The following TLL1 variants were observed in gnomAD, a reference collection of about 807,000 sequenced individuals.
TLL1 encodes tolloid like 1.
TLL1 carries 49 observed loss-of-function variants against 128.2 expected under a neutral mutation model. The ratio of observed to expected loss-of-function variants is 0.38; its 90% CI spans 0.30 to 0.48. The LOEUF (loss-of-function observed/expected upper bound fraction) is 0.48, where lower values mean the gene tolerates loss of function less well. Among genes scored for constraint, TLL1 ranks in the 20% least tolerant of loss-of-function variants. The pLI is 0.96. For synonymous variants in TLL1, 454 were observed against 418.8 expected, an observed-to-expected ratio of 1.08 and a Z score of -1.03; for missense variants, 1,123 against 1,242.0, an observed-to-expected ratio of 0.90 and a Z score of 1.44.
At chr4:165,877,316 C>A (rs1303652912) in intron 1 of TLL1, among the ~76,000 whole-genome samples, 1 of 152,154 alleles carries the variant, frequency 6.6e-6, no homozygotes, top group Non-Finnish European at 1.5e-5. Flanking sequence ...ATAGCCAAAT[C>A]CATTAGGACA....
At chr4:165,994,133 G>T (rs1736758985) in intron 3 of TLL1, among the ~76,000 whole-genome samples, 1 of 152,076 alleles carries the variant, frequency 6.6e-6, no homozygotes, top group Non-Finnish European at 1.5e-5. Context: ...TTAGGCTGTT[G>T]TATGGATATC....
chr4:166,005,886 C>T (rs142232058), intron 6 of TLL1, among the ~76,000 whole-genome samples: 2 of 151,850 alleles, frequency 1.3e-5, no homozygotes, highest in African/African-American at 4.8e-5. Flanking sequence ...AATAAATGCG[C>T]AATCCTAAAA....
intron 1 of TLL1, among the ~76,000 whole-genome samples, chr4:165,909,151 C>A (rs1430895299): frequency 1.3e-5 from 2 of 151,948 alleles, no homozygotes; most frequent in Non-Finnish European, 2.9e-5. Flanking sequence ...CGTGCCACTG[C>A]ACTCCAGTCT....
At chr4:165,953,601 C>T (rs927139521) in intron 1 of TLL1, among the ~76,000 whole-genome samples, 1 of 143,330 alleles carries the variant, frequency 7.0e-6, no homozygotes, top group Non-Finnish European at 1.5e-5. Context: ...GAAACACCTT[C>T]GAGATAGGTC....
intron 1 of TLL1, among the ~76,000 whole-genome samples, chr4:165,903,688 G>A (rs1252756295): frequency 5.3e-5 from 8 of 151,034 alleles, no homozygotes; most frequent in African/African-American, 1.9e-4. Context: ...TGGGATTACC[G>A]TCGTAAGCCA....
chr4:165,994,604 T>C, intron 4 of TLL1, 71 bp downstream of exon 4: 1 of 1,547,514 alleles, frequency 6.5e-7, no homozygotes. Context: ...TGTCTATTTT[T>C]ATAGAATATT....
At chr4:165,926,492 G>C (rs375222412) in intron 1 of TLL1, among the ~76,000 whole-genome samples, 2 of 152,188 alleles carry the variant, frequency 1.3e-5, no homozygotes, top group Non-Finnish European at 2.9e-5. Flanking sequence ...ATTCCACAGA[G>C]GAAGGTGATG....
chr4:166,104,290 A>T lies in TLL1; in HGVS notation c.*3414A>T, dbSNP rs76896679. 0.038 allele frequency among the ~76,000 whole-genome samples: 5,767 copies of T among 152,040 alleles called. 166 individuals are homozygous for T. The highest frequency in any genetic ancestry group is 0.079 in the South Asian group (380 of 4,830). On this transcript the variant is annotated 3_prime_UTR_variant, in exon 21 of 21. Coordinates refer to ENST00000061240, the MANE Select transcript of TLL1 (RefSeq NM_012464.5). ...TATATCTTTATGTAGATTTAGAAGGACTGCAACCCTATGTGACATTATAAC... is the reference window on the plus strand; with the variant it reads ...TATATCTTTATGTAGATTTAGAAGGTCTGCAACCCTATGTGACATTATAAC...
chr4:165,911,697 A>G (rs920443535), intron 1 of TLL1, among the ~76,000 whole-genome samples: 2 of 151,988 alleles, frequency 1.3e-5, no homozygotes, highest in Non-Finnish European at 2.9e-5. Context: ...AAACTGCTCA[A>G]TGTTCTTCCT....
At chr4:166,057,651 A>G (rs1192546287) in intron 14 of TLL1, among the ~76,000 whole-genome samples, 1 of 152,198 alleles carries the variant, frequency 6.6e-6, no homozygotes, top group Non-Finnish European at 1.5e-5. Context: ...AAGAGATTTA[A>G]TGGACTCACA....
intron 1 of TLL1, among the ~76,000 whole-genome samples, chr4:165,948,288 A>G (rs1428623755): frequency 1.3e-5 from 2 of 152,138 alleles, no homozygotes; most frequent in Admixed American, 6.6e-5. Flanking sequence ...CCACAGATGG[A>G]CAGAAATTGT....
intron 1 of TLL1, among the ~76,000 whole-genome samples, chr4:165,905,335 A>G (rs1732202570): frequency 6.6e-6 from 1 of 152,230 alleles, no homozygotes; most frequent in Non-Finnish European, 1.5e-5. Flanking sequence ...AACAAAATGT[A>G]CATGTTAGAA....
At chr4:165,960,823 G>C (rs372439541) in intron 1 of TLL1, among the ~76,000 whole-genome samples, 22 of 152,080 alleles carry the variant, frequency 1.4e-4, no homozygotes, top group Admixed American at 5.2e-4. Flanking sequence ...AATAATAAGA[G>C]TCAACTCTGA....
intron 5 of TLL1, among the ~76,000 whole-genome samples, chr4:165,996,806 A>G (rs1279645726): frequency 1.3e-5 from 2 of 150,496 alleles, no homozygotes; most frequent in Non-Finnish European, 3.0e-5. Context: ...CCCCTTGAGT[A>G]TTAATATATA....
chr4:166,078,809 C>T (rs543198680), intron 18 of TLL1, among the ~76,000 whole-genome samples: 2 of 152,196 alleles, frequency 1.3e-5, no homozygotes, highest in South Asian at 2.1e-4. Flanking sequence ...AGGAAAGAGC[C>T]TAGCAGGCAC....
chr4:165,969,635 G>A (rs180781722), intron 1 of TLL1, among the ~76,000 whole-genome samples: 4 of 152,154 alleles, frequency 2.6e-5, no homozygotes, highest in African/African-American at 9.6e-5. Context: ...AATTGGTTGT[G>A]GGGTTTTTTG....
chr4:166,033,783 A>G (rs1167671385), intron 9 of TLL1, among the ~76,000 whole-genome samples: 1 of 152,196 alleles, frequency 6.6e-6, no homozygotes, highest in African/African-American at 2.4e-5. Flanking sequence ...TGCTGGCAAC[A>G]ATCCAAAATG....
Position 166,074,900 on chromosome 4 carries a change from T to C in TLL1, c.2211T>C (p.Asp737=), listed in dbSNP as rs537342606. 2 of 1,613,532 alleles carry C rather than the reference T, an allele frequency of 1.2e-6. No homozygotes were observed. The highest frequency in any genetic ancestry group is 2.7e-5 in the African/African-American group (2 of 75,020). The change falls in exon 17 of 21, where the codon GAT becomes GAC. Residue 737 remains aspartate, a synonymous_variant. Coordinates refer to ENST00000061240, the MANE Select transcript of TLL1 (RefSeq NM_012464.5). ...TAGACAAAGATGAATGCTCTAAGGA[T>C]AATGGTGGATGTCAGCACGAATGTG... ...FFSDKDECSK[D]NGGCQHECVN...
At chr4:166,058,723 C>T (rs1035789749) in intron 14 of TLL1, among the ~76,000 whole-genome samples, 1 of 152,118 alleles carries the variant, frequency 6.6e-6, no homozygotes, top group Non-Finnish European at 1.5e-5. Flanking sequence ...GAATGTGTAG[C>T]AGTTTAACAT....
Sources: allele counts gnomAD v4.1 joint callset (sites outside exome capture counted in the v4.1 genomes callset), GRCh38; gene constraint gnomAD v4.1.1; transcripts MANE v1.5; gene names NCBI Gene and HGNC (gene_info 2026-07-23, HGNC 2026-07-21).